The following MBNL2 variants were observed in gnomAD, a reference collection of about 807,000 sequenced individuals.
The protein encoded by MBNL2 is muscleblind like splicing regulator 2, also known as muscleblind-like protein 2.
MBNL2 carries 17 observed loss-of-function variants against 41.9 expected under a neutral mutation model. The observed-to-expected ratio is 0.41, with a 90% CI of 0.28 to 0.61. The LOEUF (loss-of-function observed/expected upper bound fraction) is 0.61, where lower values mean the gene tolerates loss of function less well. Ranked by LOEUF, MBNL2 falls within the 20% of genes least tolerant of loss-of-function variation. The pLI is 0.35. For missense variants in MBNL2, 336 were observed against 505.6 expected (o/e 0.66, Z 3.22); for synonymous variants, 195 against 182.9 (o/e 1.07, Z -0.53).
At chr13:97,182,544 G>A in the MBNL2 span, among the ~76,000 whole-genome samples, 1 of 152,222 alleles carries the variant, frequency 6.6e-6, no homozygotes. Context: ...AATGGAATGA[G>A]AGGAGACATG....
At chr13:97,181,077 C>A in the MBNL2 span, among the ~76,000 whole-genome samples, 1 of 151,458 alleles carries the variant, frequency 6.6e-6, no homozygotes, top group African/African-American at 2.4e-5. Context: ...AACTCAATCT[C>A]TCTCTCTCTC....
At chr13:97,359,203 C>T (rs975604020) in intron 7 of MBNL2, among the ~76,000 whole-genome samples, 6 of 151,670 alleles carry the variant, frequency 4.0e-5, no homozygotes, top group Middle Eastern at 3.2e-3. Context: ...GGTAAACTTA[C>T]GTTAATGTCC....
At position 97,287,918 on chromosome 13, in the gene MBNL2, G is replaced by GTTTTTTTTT. The variant is rs11423615; in HGVS notation, c.174+11511_174+11519dup. On this transcript the variant is annotated intron_variant, in intron 2 of 8. Transcript: ENST00000679496. ...TGCCACCAGGCCCGGCTAATTTTCT[G>GTTTTTTTTT]TTTTTTTTTTGTTTTGTTTTGTTTT... Among the ~76,000 whole-genome samples, 43 of 124,608 alleles carry GTTTTTTTTT rather than the reference G, an allele frequency of 3.5e-4. 3 individuals are homozygous for GTTTTTTTTT. The highest frequency in any genetic ancestry group is 1.3e-3 in the African/African-American group (38 of 28,764). The allele number at this position is 124,608 out of a possible 152,430, so 81.7% of individuals were successfully genotyped here.
chr13:97,231,214 G>A (rs2152781720), intron 1 of MBNL2, among the ~76,000 whole-genome samples: 2 of 152,288 alleles, frequency 1.3e-5, no homozygotes, highest in East Asian at 3.9e-4. Context: ...ATAGATTGAT[G>A]CCGTCACACC....
At chr13:97,179,580 A>T in the MBNL2 span, 3 of 152,292 alleles carry the variant, frequency 2.0e-5, no homozygotes, top group African/African-American at 7.2e-5. Flanking sequence ...GCTTCCCTGG[A>T]CTTAAATTCC....
intron 2 of MBNL2, among the ~76,000 whole-genome samples, chr13:97,309,373 T>C (rs1410945748): frequency 1.3e-5 from 2 of 152,156 alleles, no homozygotes; most frequent in Non-Finnish European, 2.9e-5. Context: ...GGGTGGTCAA[T>C]TTAAAATGAG....
chr13:97,272,984 A>C (rs948304886), intron 1 of MBNL2, among the ~76,000 whole-genome samples: 11 of 152,260 alleles, frequency 7.2e-5, no homozygotes, highest in African/African-American at 2.4e-4. Context: ...TCTTACCTAT[A>C]AGTATGAATA....
At chr13:97,187,563 T>C in the MBNL2 span, among the ~76,000 whole-genome samples, 2 of 127,644 alleles carry the variant, frequency 1.6e-5, no homozygotes, top group Non-Finnish European at 3.2e-5. Context: ...TGTTGCCTTC[T>C]GCCACTGGGA....
intron 1 of MBNL2, among the ~76,000 whole-genome samples, chr13:97,271,446 A>T (rs78696089): frequency 1.6e-4 from 19 of 120,088 alleles, no homozygotes; most frequent in African/African-American, 4.4e-4. Flanking sequence ...ATTTATTTCT[A>T]AAAAAAAACA....
At chr13:97,192,445 G>A in the MBNL2 span, among the ~76,000 whole-genome samples, 1 of 152,206 alleles carries the variant, frequency 6.6e-6, no homozygotes, top group African/African-American at 2.4e-5. Flanking sequence ...GGAATTGAAG[G>A]CTGGGCTAAC....
upstream of MBNL2, among the ~76,000 whole-genome samples, chr13:97,217,052 T>C (rs1203490451): frequency 6.9e-6 from 1 of 145,510 alleles, no homozygotes; most frequent in Non-Finnish European, 1.5e-5. Context: ...TAATATGTAA[T>C]ATATACATAT....
intron 8 of MBNL2, among the ~76,000 whole-genome samples, chr13:97,371,863 T>C (rs1329849116): frequency 1.3e-5 from 2 of 152,232 alleles, no homozygotes; most frequent in African/African-American, 4.8e-5. Flanking sequence ...AGATTGAGGC[T>C]GATGTGAAAC....
chr13:97,252,342 T>C (rs1461120524), intron 1 of MBNL2, among the ~76,000 whole-genome samples: 6 of 152,232 alleles, frequency 3.9e-5, no homozygotes, highest in Admixed American at 3.9e-4. Flanking sequence ...TCTGTCCTCA[T>C]CTGCTGTTGC....
intron 2 of MBNL2, among the ~76,000 whole-genome samples, chr13:97,306,412 C>A (rs1446369284): frequency 6.6e-6 from 1 of 152,234 alleles, no homozygotes; most frequent in African/African-American, 2.4e-5. Context: ...TTCTCACTTT[C>A]TTCAAACCTT....
the MBNL2 span, among the ~76,000 whole-genome samples, chr13:97,167,692 A>G: frequency 6.6e-6 from 1 of 152,196 alleles, no homozygotes. Context: ...TCTCCATTCT[A>G]TATATATCAT....
At chr13:97,365,253 A>C in intron 8 of MBNL2, 82 bp downstream of exon 8, 1 of 917,938 alleles carries the variant, frequency 1.1e-6, no homozygotes, top group Non-Finnish European at 1.8e-6. Context: ...GAGATGGTAG[A>C]AATGCTATAG....
chr13:97,235,154 A>G (rs1185466738), intron 1 of MBNL2, among the ~76,000 whole-genome samples: 1 of 152,176 alleles, frequency 6.6e-6, no homozygotes, highest in Admixed American at 6.5e-5. Context: ...TGAAGCTTTC[A>G]GACTTGAGTT....
chr13:97,178,452 A>T, the MBNL2 span, among the ~76,000 whole-genome samples: 3 of 152,240 alleles, frequency 2.0e-5, no homozygotes, highest in Non-Finnish European at 2.9e-5. Flanking sequence ...GTAAAGACTG[A>T]ATATTTAAGT....
At chr13:97,223,422 T>C (rs1282512790) in intron 1 of MBNL2, among the ~76,000 whole-genome samples, 1 of 152,270 alleles carries the variant, frequency 6.6e-6, no homozygotes, top group African/African-American at 2.4e-5. Flanking sequence ...GAATTCTTTC[T>C]GCCCTTTTCC....
Sources: allele counts gnomAD v4.1 joint callset (sites outside exome capture counted in the v4.1 genomes callset), GRCh38; gene constraint gnomAD v4.1.1; transcripts MANE v1.5; gene names NCBI Gene and HGNC (gene_info 2026-07-23, HGNC 2026-07-21).